Variants in HECTD2 observed in about 807,000 individuals in gnomAD.
HECTD2 encodes probable E3 ubiquitin-protein ligase HECTD2.
HECTD2 carries 35 observed loss-of-function variants against 103.2 expected under a neutral mutation model. That is an observed-to-expected ratio of 0.34 (90% CI 0.26 to 0.45). The LOEUF is 0.45. HECTD2 is among the 20% of genes least tolerant of loss of function. The pLI is 1.00. For missense variants in HECTD2, 596 were observed against 937.4 expected, an observed-to-expected ratio of 0.64 and a Z score of 4.76; for synonymous variants, 281 against 329.9, an observed-to-expected ratio of 0.85 and a Z score of 1.61.
intron 11 of HECTD2, among the ~76,000 whole-genome samples, chr10:91,490,809 T>G (rs2133313023): frequency 7.4e-6 from 1 of 135,340 alleles, no homozygotes; most frequent in African/African-American, 2.9e-5. Context: ...GAGAATGGCA[T>G]GAACCCAAGA....
rs1008037261 is a variant in HECTD2, at chr10:91,426,489, T to C, written c.268+1079T>C. Among the ~76,000 whole-genome samples the C allele has an allele frequency of 1.2e-4, 18 of 152,126 alleles. No homozygotes were observed. The East Asian group carries it at 3.5e-3, about 29-fold the overall frequency. On this transcript the variant is annotated intron_variant, in intron 2 of 20. Transcript: ENST00000298068. ...CCAGTGCTAGACCTATTCTACATTC[T>C]TATAGGTTAGTATTTTTATTGCCTC...
chr10:91,449,513 C>G (rs557618302), intron 2 of HECTD2, among the ~76,000 whole-genome samples: 64 of 152,192 alleles, frequency 4.2e-4, no homozygotes, highest in African/African-American at 1.5e-3. Flanking sequence ...CTTACTACTC[C>G]TATAAACATA....
intron 12 of HECTD2, 150 bp downstream of exon 12, chr10:91,491,457 G>A (rs1846475188): frequency 4.1e-6 from 2 of 487,976 alleles, no homozygotes; most frequent in East Asian, 3.9e-5. Context: ...CCAAGCTTCT[G>A]TAAAGTTTGA....
At chr10:91,413,931 G>A (rs1843019745) in intron 1 of HECTD2, among the ~76,000 whole-genome samples, 1 of 152,194 alleles carries the variant, frequency 6.6e-6, no homozygotes, top group African/African-American at 2.4e-5. Flanking sequence ...TTGAAGTAAT[G>A]TATGGATATG....
chr10:91,510,207 G>T (rs1398305046), intron 20 of HECTD2, among the ~76,000 whole-genome samples: 1 of 152,048 alleles, frequency 6.6e-6, no homozygotes, highest in Non-Finnish European at 1.5e-5. Context: ...CCCCTAAAAG[G>T]GCATGAATCC....
At chr10:91,423,884 A>G (rs1843454113) in intron 1 of HECTD2, among the ~76,000 whole-genome samples, 1 of 152,182 alleles carries the variant, frequency 6.6e-6, no homozygotes, top group South Asian at 2.1e-4. Context: ...TTAGTGGAAC[A>G]ATGTAAATAA....
At chr10:91,506,242 A>G (rs1286049491) in intron 20 of HECTD2, among the ~76,000 whole-genome samples, 1 of 151,464 alleles carries the variant, frequency 6.6e-6, no homozygotes, top group Non-Finnish European at 1.5e-5. Flanking sequence ...ACACATTCAA[A>G]AGCTAGCAGA....
chr10:91,422,233 A>T (rs1843387145), intron 1 of HECTD2, among the ~76,000 whole-genome samples: 1 of 152,084 alleles, frequency 6.6e-6, no homozygotes, highest in Non-Finnish European at 1.5e-5. Flanking sequence ...TTGCTGGACC[A>T]TTCTCCCTTT....
intron 2 of HECTD2, among the ~76,000 whole-genome samples, chr10:91,455,652 C>T (rs1209516898): frequency 6.6e-6 from 1 of 152,140 alleles, no homozygotes; most frequent in Non-Finnish European, 1.5e-5. Context: ...TTGCCCATGC[C>T]TATGTCCTGA....
intron 5 of HECTD2, among the ~76,000 whole-genome samples, chr10:91,475,450 T>C (rs977501890): frequency 6.6e-6 from 1 of 152,216 alleles, no homozygotes; most frequent in Non-Finnish European, 1.5e-5. Flanking sequence ...GTATTCCACC[T>C]TGTCAGATGT....
intron 2 of HECTD2, among the ~76,000 whole-genome samples, chr10:91,445,606 T>G (rs1018313951): frequency 1.3e-5 from 2 of 152,066 alleles, no homozygotes; most frequent in African/African-American, 4.8e-5. Flanking sequence ...GTCAGCCGAA[T>G]AGGAACAGCT....
At chr10:91,413,825 C>T (rs1843015625) in intron 1 of HECTD2, among the ~76,000 whole-genome samples, 1 of 152,138 alleles carries the variant, frequency 6.6e-6, no homozygotes. Context: ...TCAAGAGGCT[C>T]AAGATGGAGC....
intron 20 of HECTD2, among the ~76,000 whole-genome samples, chr10:91,503,566 C>G (rs962953825): frequency 4.6e-5 from 7 of 152,208 alleles, no homozygotes; most frequent in Admixed American, 1.3e-4. Context: ...TGCGCTTTTC[C>G]GACGGGCTTA....
chr10:91,422,227 T>C (rs762896478), intron 1 of HECTD2, among the ~76,000 whole-genome samples: 10 of 152,184 alleles, frequency 6.6e-5, no homozygotes, highest in African/African-American at 1.7e-4. Context: ...CATATCTTGC[T>C]GGACCATTCT....
intron 2 of HECTD2, among the ~76,000 whole-genome samples, chr10:91,449,664 C>A (rs576686671): frequency 6.6e-6 from 1 of 152,282 alleles, no homozygotes; most frequent in Non-Finnish European, 1.5e-5. Context: ...CAGAAATCTC[C>A]TTAAGCTGAT....
At chr10:91,455,529 T>A (rs1271835754) in intron 2 of HECTD2, among the ~76,000 whole-genome samples, 4 of 152,204 alleles carry the variant, frequency 2.6e-5, no homozygotes, top group African/African-American at 9.7e-5. Flanking sequence ...GGTTGCCTGT[T>A]CACTCTGATG....
At chr10:91,508,246 G>T (rs1450775596) in intron 20 of HECTD2, among the ~76,000 whole-genome samples, 3 of 130,846 alleles carry the variant, frequency 2.3e-5, no homozygotes. Flanking sequence ...CAAAAGCAAT[G>T]GCAACAAAAG....
chr10:91,500,268 C>T (rs1846848564), intron 18 of HECTD2, among the ~76,000 whole-genome samples: 1 of 152,156 alleles, frequency 6.6e-6, no homozygotes, highest in African/African-American at 2.4e-5. Flanking sequence ...AAGTAATTTG[C>T]TTGTTTTTCT....
chr10:91,449,303 T>G (rs966594696), intron 2 of HECTD2, among the ~76,000 whole-genome samples: 3 of 152,186 alleles, frequency 2.0e-5, no homozygotes, highest in African/African-American at 7.2e-5. Context: ...AACACTTAAT[T>G]ACCTCAATAG....
Sources: gnomAD v4.1 joint callset for allele counts (sites outside exome capture counted in the v4.1 genomes callset) on GRCh38, gnomAD v4.1.1 for gene constraint, MANE v1.5 for transcripts, NCBI Gene and HGNC (gene_info 2026-07-23, HGNC 2026-07-21) for gene names.